CEMIP2: variants seen among roughly 807,000 people sequenced by gnomAD.
CEMIP2 encodes cell migration inducing hyaluronidase 2.
Under a neutral mutation model 146.9 loss-of-function variants are expected in CEMIP2, and 79 were observed. That is an observed-to-expected ratio of 0.54 (90% confidence interval 0.45 to 0.65). CEMIP2 has a LOEUF of 0.65. Ranked by LOEUF, CEMIP2 falls within the 30% of genes least tolerant of loss-of-function variation. CEMIP2 has a pLI of 0.00. For synonymous variants in CEMIP2, 601 were observed against 606.3 expected (o/e 0.99, Z 0.13); for missense variants, 1,596 against 1,696.2 (o/e 0.94, Z 1.04).
chr9:71,748,123 C>A (rs1192269708), intron 2 of CEMIP2, among the ~76,000 whole-genome samples: 3 of 152,156 alleles, frequency 2.0e-5, no homozygotes, highest in Non-Finnish European at 2.9e-5. Flanking sequence ...AGAAGGAAAT[C>A]CAGTCTTTTG....
At chr9:71,764,694 G>A (rs1428430115) in intron 1 of CEMIP2, among the ~76,000 whole-genome samples, 1 of 152,090 alleles carries the variant, frequency 6.6e-6, no homozygotes, top group African/African-American at 2.4e-5. Flanking sequence ...ATCTGAGTTT[G>A]GATTTCTATC....
At chr9:71,756,287 TATATATATATACCTAGC>T (rs1824447824) in intron 1 of CEMIP2, among the ~76,000 whole-genome samples, 1 of 148,574 alleles carries the variant, frequency 6.7e-6, no homozygotes, top group African/African-American at 2.5e-5. Flanking sequence ...TGTATATACC[TATATATATATACCTAGC>T]ATATATATAT....
At position 71,738,692 on chromosome 9, in the gene CEMIP2, G is replaced by T. The variant is rs1242729134; in HGVS notation, c.1204+1371C>A. ...ATCTCTACTAAAAATACAAAAATTA[G>T]CCAGGCATGGTGGTGGGTACCTGTA... On this transcript the variant is annotated intron_variant, in intron 5 of 23. Coordinates refer to ENST00000377044, the MANE Select transcript of CEMIP2 (RefSeq NM_013390.3). Among the ~76,000 whole-genome samples the T allele has an allele frequency of 2.0e-5, 3 of 151,966 alleles. No homozygotes were observed. The East Asian group carries it at 5.8e-4, about 29-fold the overall frequency.
At chr9:71,742,407 A>C (rs1425101820) in intron 4 of CEMIP2, among the ~76,000 whole-genome samples, 1 of 152,210 alleles carries the variant, frequency 6.6e-6, no homozygotes, top group Non-Finnish European at 1.5e-5. Flanking sequence ...TCTTCTATCG[A>C]CATTATCTCC....
chr9:71,710,695 A>G (rs776800291), intron 16 of CEMIP2, among the ~76,000 whole-genome samples: 3 of 152,200 alleles, frequency 2.0e-5, no homozygotes, highest in Non-Finnish European at 4.4e-5. Context: ...GGATGCATAG[A>G]GAACTACGGG....
intron 19 of CEMIP2, among the ~76,000 whole-genome samples, chr9:71,698,529 T>C (rs1822465455): frequency 6.6e-6 from 1 of 152,246 alleles, no homozygotes; most frequent in Non-Finnish European, 1.5e-5. Context: ...TGGAACACTT[T>C]ATACATAATG....
At chr9:71,732,547 AG>A in intron 6 of CEMIP2, 27 bp from the exon 7 acceptor site, 1 of 1,563,250 alleles carries the variant, frequency 6.4e-7, no homozygotes, top group African/African-American at 1.4e-5. Context: ...AGGAAAAAAA[AG>A]AATATTAGAA....
Position 71,718,028 on chromosome 9 carries a change from T to C in CEMIP2, c.2319A>G (p.Leu773=). The change falls in exon 13 of 24, where the codon CTA becomes CTG. Residue 773 remains leucine, a synonymous_variant. Coordinates refer to ENST00000377044, the MANE Select transcript of CEMIP2 (RefSeq NM_013390.3). The stretch of plus-strand genomic sequence containing the variant: ...TTTTAAAAGCAATGAGCCTGTCAAT[T>C]AGAGCAGCAACACGTGGTTTTTCGG... ...ANPEKPRVAA[L]IDRLIAFKNN... is the part of the protein sequence containing the mutation. 6.2e-7 allele frequency: 1 copy of C among 1,613,290 alleles called. No individual in the cohort carries two copies. Among genetic ancestry groups the C allele is most frequent in the Non-Finnish European group, 8.5e-7 (1 of 1,179,576 alleles).
intron 10 of CEMIP2, among the ~76,000 whole-genome samples, chr9:71,728,017 C>T (rs893545485): frequency 4.6e-5 from 7 of 151,178 alleles, no homozygotes; most frequent in South Asian, 4.2e-4. Context: ...GCCAACATTG[C>T]GCCACTGCAC....
In CEMIP2 at chr9:71,690,059, G is replaced by A. The variant is rs748452397; in HGVS notation, c.3851+33C>T. On this transcript the variant is annotated intron_variant, in intron 22 of 23. Coordinates refer to ENST00000377044, the MANE Select transcript of CEMIP2 (RefSeq NM_013390.3). ...TGGAGCACTCCACATCTTTAAGGTG[G>A]CTTTTCCCTGTTACAGCACAAGCTT... 1.9e-6 allele frequency: 3 copies of A among 1,607,578 alleles called. No individual in the cohort carries two copies. The South Asian group carries it at 3.3e-5, about 18-fold the overall frequency.
chr9:71,701,101 GTTTT>G (rs1221241870), intron 18 of CEMIP2, among the ~76,000 whole-genome samples: 1 of 150,552 alleles, frequency 6.6e-6, no homozygotes, highest in Non-Finnish European at 1.5e-5. Context: ...TTTTGTTTTT[GTTTT>G]TTTGTTGTTG....
In CEMIP2 at chr9:71,730,841, C is replaced by T. The variant is rs181511449; in HGVS notation, c.1637G>A (p.Arg546Gln). ...LKHMGQQQMGRYPVHFHLCGD... is the reference protein window; with the variant it reads ...LKHMGQQQMGQYPVHFHLCGD... ...ACACAGGTGAAAATGAACAGGGTAT[C>T]GCCCCATCTGCTGCTGACCCATGTG... Residue 546 changes from arginine to glutamine, a missense_variant, in exon 8 of 24, where the codon CGA becomes CAA. Coordinates refer to ENST00000377044, the MANE Select transcript of CEMIP2 (RefSeq NM_013390.3). 10 of 1,614,154 alleles carry T rather than the reference C, an allele frequency of 6.2e-6. No homozygotes were observed. The highest frequency in any genetic ancestry group is 4.5e-5 in the East Asian group (2 of 44,878).
chr9:71,715,198 T>A, intron 14 of CEMIP2, 109 bp from the exon 15 acceptor site: 1 of 1,122,158 alleles, frequency 8.9e-7, no homozygotes, highest in Non-Finnish European at 1.2e-6. Flanking sequence ...AAGAAGTCAA[T>A]AGCTTTTCTA....
intron 10 of CEMIP2, among the ~76,000 whole-genome samples, chr9:71,728,229 C>T (rs370011322): frequency 1.2e-4 from 2 of 17,162 alleles, no homozygotes; most frequent in African/African-American, 3.4e-4. Flanking sequence ...CTCTCTCTCT[C>T]TCTATATATA....
chr9:71,704,678 G>C lies in CEMIP2; in HGVS notation c.3111C>G (p.Val1037=), dbSNP rs150698902. ...QKAAFPQYQP[V]VMLEKGYTIH... is the part of the protein sequence containing the mutation. ...TGGTATAACCCTTCTCCAGCATGAC[G>C]ACAGGCTGGTACTGTGGAAAGGCAG... Residue 1037 remains valine, a synonymous_variant, in exon 18 of 24, where the codon GTC becomes GTG. Transcript: ENST00000377044. The C allele has an allele frequency of 6.2e-6, 10 of 1,614,120 alleles. No homozygotes were observed. Among genetic ancestry groups the C allele is most frequent in the Non-Finnish European group, 8.5e-6 (10 of 1,180,016 alleles).
At chr9:71,701,158 T>G (rs763247959) in intron 18 of CEMIP2, among the ~76,000 whole-genome samples, 5 of 152,138 alleles carry the variant, frequency 3.3e-5, no homozygotes, top group Non-Finnish European at 7.3e-5. Context: ...CAGGCTGGAG[T>G]GCAGTGGCGC....
intron 2 of CEMIP2, among the ~76,000 whole-genome samples, 157 bp from the exon 3 acceptor site, chr9:71,746,498 C>T (rs1191693419): frequency 6.7e-6 from 1 of 148,520 alleles, no homozygotes; most frequent in Non-Finnish European, 1.5e-5. Context: ...TTCCCACCAG[C>T]AGAGAACCAT....
rs868664785 is a variant in CEMIP2 at position 71,745,382 on chromosome 9, C to T, written c.670G>A (p.Val224Met). 10 of 1,614,014 alleles carry T rather than the reference C, an allele frequency of 6.2e-6. No homozygotes were observed. In the African/African-American group the frequency reaches 1.1e-4, roughly 17 times the overall value. The change falls in exon 4 of 24, where the codon GTG (valine) becomes ATG (methionine). Residue 224 changes from valine (V) to methionine (M), a missense_variant. Coordinates refer to ENST00000377044, the MANE Select transcript of CEMIP2 (RefSeq NM_013390.3). Reference sequence around the variant, plus strand: ...AACTCCAGTGTCCCGCCAGCTTCCACACCAATAAACTTTTTGCCAAATGTT... The same window carrying T: ...AACTCCAGTGTCCCGCCAGCTTCCATACCAATAAACTTTTTGCCAAATGTT... ...MPTFGKKFIG[V>M]EAGGTLELHG...
At chr9:71,704,839 T>C (rs1480788072) in intron 17 of CEMIP2, 36 bp from the exon 18 acceptor site, 1 of 1,597,674 alleles carries the variant, frequency 6.3e-7, no homozygotes. Flanking sequence ...GGGAAGAGAA[T>C]GAAAATTTAA....
Sources: allele counts gnomAD v4.1 joint callset (sites outside exome capture counted in the v4.1 genomes callset), GRCh38; gene constraint gnomAD v4.1.1; transcripts MANE v1.5; gene names NCBI Gene and HGNC (gene_info 2026-07-23, HGNC 2026-07-21).